TMEM117: variants seen among roughly 807,000 people sequenced by gnomAD.
The protein encoded by TMEM117 is transmembrane protein 117.
A neutral mutation model predicts 52.4 loss-of-function variants in TMEM117; 27 were observed. That is an observed-to-expected ratio of 0.51 (90% confidence interval 0.38 to 0.71). The LOEUF is 0.71. Among genes scored for constraint, TMEM117 ranks in the 30% least tolerant of loss-of-function variants. TMEM117 has a pLI of 0.00. For synonymous variants in TMEM117, 215 were observed against 206.3 expected (o/e 1.04, Z -0.36); for missense variants, 556 against 630.5 (o/e 0.88, Z 1.26).
chr12:43,837,513 A>T (rs1399196635), intron 1 of TMEM117, among the ~76,000 whole-genome samples: 3 of 151,744 alleles, frequency 2.0e-5, no homozygotes. Flanking sequence ...TGCCTGGCTA[A>T]TTTTTGTATT....
chr12:44,011,872 A>C (rs1304893227), intron 3 of TMEM117, among the ~76,000 whole-genome samples: 1 of 152,342 alleles, frequency 6.6e-6, no homozygotes, highest in African/African-American at 2.4e-5. Context: ...TTAAGTGACT[A>C]TATACATTTA....
At chr12:44,079,186 T>C (rs1050567971) in intron 3 of TMEM117, among the ~76,000 whole-genome samples, 1 of 152,128 alleles carries the variant, frequency 6.6e-6, no homozygotes, top group Non-Finnish European at 1.5e-5. Context: ...ATGTGCATGG[T>C]CTTTATAGTA....
intron 3 of TMEM117, among the ~76,000 whole-genome samples, chr12:44,012,978 C>G (rs562574213): frequency 6.6e-6 from 1 of 151,716 alleles, no homozygotes; most frequent in African/African-American, 2.4e-5. Context: ...GTCTTTTGTA[C>G]TCCTCTGATT....
At chr12:43,824,029 T>C in the TMEM117 span, among the ~76,000 whole-genome samples, 1 of 152,234 alleles carries the variant, frequency 6.6e-6, no homozygotes, top group African/African-American at 2.4e-5. Flanking sequence ...CTGTCTAGCA[T>C]TGATATTTTA....
At chr12:43,988,527 G>C (rs1323214285) in intron 3 of TMEM117, among the ~76,000 whole-genome samples, 1 of 152,096 alleles carries the variant, frequency 6.6e-6, no homozygotes, top group African/African-American at 2.4e-5. Flanking sequence ...AAAGTATGTA[G>C]TCTTGAGAAC....
intron 2 of TMEM117, among the ~76,000 whole-genome samples, chr12:43,939,628 A>G (rs893129587): frequency 2.0e-5 from 3 of 152,130 alleles, no homozygotes; most frequent in Non-Finnish European, 4.4e-5. Flanking sequence ...CTTTGGCACA[A>G]TGACTCAGAC....
chr12:44,294,780 G>T (rs2138629188), intron 5 of TMEM117, among the ~76,000 whole-genome samples: 1 of 152,206 alleles, frequency 6.6e-6, no homozygotes, highest in South Asian at 2.1e-4. Flanking sequence ...GTCATATCCT[G>T]GAAAAAGGGA....
chr12:43,951,050 C>T (rs1298085590), intron 3 of TMEM117, among the ~76,000 whole-genome samples: 4 of 152,152 alleles, frequency 2.6e-5, no homozygotes, highest in Non-Finnish European at 5.9e-5. Flanking sequence ...GCATGGAGCC[C>T]AGAGGAGTGG....
At chr12:44,017,651 A>T (rs1372746914) in intron 3 of TMEM117, among the ~76,000 whole-genome samples, 1 of 152,110 alleles carries the variant, frequency 6.6e-6, no homozygotes, top group Non-Finnish European at 1.5e-5. Flanking sequence ...ATTAATAATG[A>T]TATATTTCAA....
chr12:44,103,972 T>C (rs1403227378), intron 3 of TMEM117, among the ~76,000 whole-genome samples: 1 of 152,004 alleles, frequency 6.6e-6, no homozygotes, highest in Non-Finnish European at 1.5e-5. Flanking sequence ...AGTTTCATTG[T>C]GAATCAACAA....
In TMEM117 at chr12:43,996,617, T is replaced by TG. The variant is rs550674203; in HGVS notation, c.410+52278dup. 4.5e-3 allele frequency among the ~76,000 whole-genome samples: 678 copies of TG among 150,802 alleles called. 3 individuals are homozygous for TG. Among genetic ancestry groups the TG allele is most frequent in the Non-Finnish European group, 7.8e-3 (531 of 67,804 alleles). On this transcript the variant is annotated intron_variant, in intron 3 of 7. Transcript: ENST00000266534. ...GAGATCACGCCACTGCACTCCAGCC[T>TG]GGGCCACAGAGCAAGACTCCATCTC...
chr12:44,023,052 G>T (rs974700680), intron 3 of TMEM117, among the ~76,000 whole-genome samples: 1 of 152,072 alleles, frequency 6.6e-6, no homozygotes, highest in African/African-American at 2.4e-5. Context: ...ACAGAAAAAA[G>T]CAAAGACTGC....
chr12:44,342,640 C>CAAAAAAAAAAAAA (rs1205448518), intron 6 of TMEM117, among the ~76,000 whole-genome samples: 1 of 84,576 alleles, frequency 1.2e-5, no homozygotes, highest in African/African-American at 3.3e-5. Flanking sequence ...GCTGATTAGT[C>CAAAAAAAAAAAAA]AAAAAAAAAA....
chr12:43,968,386 A>G (rs1214030179), intron 3 of TMEM117, among the ~76,000 whole-genome samples: 1 of 152,228 alleles, frequency 6.6e-6, no homozygotes, highest in Non-Finnish European at 1.5e-5. Context: ...GCCTCCAAGG[A>G]GAATATCTTG....
intron 5 of TMEM117, among the ~76,000 whole-genome samples, chr12:44,243,909 C>A (rs1265621777): frequency 2.6e-5 from 4 of 151,962 alleles, no homozygotes; most frequent in Non-Finnish European, 4.4e-5. Context: ...ACTTATTTCA[C>A]TTAGCATAAT....
chr12:44,118,984 A>C (rs115900240), intron 3 of TMEM117, among the ~76,000 whole-genome samples: 149 of 152,312 alleles, frequency 9.8e-4, no homozygotes, highest in African/African-American at 3.4e-3. Flanking sequence ...GTAATATGAA[A>C]CTGTATTTTA....
At chr12:44,033,707 ATCT>A (rs1946669169) in intron 3 of TMEM117, among the ~76,000 whole-genome samples, 1 of 152,220 alleles carries the variant, frequency 6.6e-6, no homozygotes, top group African/African-American at 2.4e-5. Flanking sequence ...AGTAGAAAAA[ATCT>A]TCTAAGTGTA....
At chr12:44,100,377 T>C (rs1337653418) in intron 3 of TMEM117, among the ~76,000 whole-genome samples, 1 of 152,020 alleles carries the variant, frequency 6.6e-6, no homozygotes, top group African/African-American at 2.4e-5. Context: ...GGAATATATA[T>C]AGATATCTAT....
chr12:44,322,241 G>A (rs573844077), intron 6 of TMEM117, among the ~76,000 whole-genome samples: 3 of 152,288 alleles, frequency 2.0e-5, no homozygotes, highest in Admixed American at 6.5e-5. Context: ...CTGCATCTGC[G>A]TGGTGAGTAG....
Sources: gnomAD v4.1 joint callset for allele counts (sites outside exome capture counted in the v4.1 genomes callset) on GRCh38, gnomAD v4.1.1 for gene constraint, MANE v1.5 for transcripts, NCBI Gene and HGNC (gene_info 2026-07-23, HGNC 2026-07-21) for gene names.